Variants in ZNF625 observed in about 807,000 individuals in gnomAD.
The protein encoded by ZNF625 is zinc finger protein 625.
In ZNF625, 8 loss-of-function variants were observed where a neutral mutation model predicts 11.1. That is an observed-to-expected ratio of 0.72 (90% CI 0.42 to 1.30). ZNF625 has a LOEUF of 1.30. Among genes scored for constraint, ZNF625 ranks in the 50% most tolerant of loss-of-function variants. The pLI is 0.01. For missense variants in ZNF625, 349 were observed against 447.6 expected (o/e 0.78, Z 1.99); for synonymous variants, 145 against 153.4 (o/e 0.95, Z 0.41).
Position 12,145,848 on chromosome 19 carries a change from G to A in ZNF625, c.568C>T (p.Pro190Ser). ...TTCCCACAAAAGTTACATTTGTAGG[G>A]TCCATCTCCACTGTGCATTATCCTG... ...RHRIMHSGDGPYKCNFCGKAL... is the reference protein window; with the variant it reads ...RHRIMHSGDGSYKCNFCGKAL... The change falls in exon 4 of 4, where the codon CCC becomes TCC. Residue 190 changes from proline to serine, a missense_variant. Coordinates refer to ENST00000439556, the MANE Select transcript of ZNF625 (RefSeq NM_145233.4). 1.2e-6 allele frequency: 2 copies of A among 1,614,204 alleles called. No homozygotes were observed. The highest frequency in any genetic ancestry group is 2.2e-5 in the South Asian group (2 of 91,088).
intron 1 of ZNF625, among the ~76,000 whole-genome samples, chr19:12,148,846 A>G (rs1014832773): frequency 1.3e-5 from 2 of 149,968 alleles, no homozygotes; most frequent in Non-Finnish European, 3.0e-5. Flanking sequence ...CTGGTTTTGA[A>G]CTCCTGACCT....
rs373898997 is a variant in ZNF625 at position 12,145,974 on chromosome 19, G to A, written c.442C>T (p.Pro148Ser). ...TYCKKAFSDL[P>S]YFRTHEWAHT... ...GCCCATTCATGTGTTCGAAAGTAGGGGAGATCACTGAAGGCTTTCTTACAG... is the reference window on the plus strand; with the variant it reads ...GCCCATTCATGTGTTCGAAAGTAGGAGAGATCACTGAAGGCTTTCTTACAG... The change falls in exon 4 of 4, where the codon CCC (proline) becomes TCC (serine). Residue 148 changes from proline (P) to serine (S), a missense_variant. Physicochemically the swap from Pro to Ser is moderately conservative, Grantham distance 74 (BLOSUM62 -1). Coordinates refer to ENST00000439556, the MANE Select transcript of ZNF625 (RefSeq NM_145233.4). The A allele has an allele frequency of 2.5e-6, 4 of 1,614,048 alleles. No individual in the cohort carries two copies. The highest frequency in any genetic ancestry group is 3.3e-5 in the Admixed American group (2 of 59,998).
At chr19:12,156,264 T>C (rs1250058757) in intron 1 of ZNF625, among the ~76,000 whole-genome samples, 1 of 152,074 alleles carries the variant, frequency 6.6e-6, no homozygotes, top group African/African-American at 2.4e-5. Context: ...CTCCGCACAA[T>C]CTGGGGAGAC....
intron 1 of ZNF625, among the ~76,000 whole-genome samples, chr19:12,153,349 CAA>C (rs1260818004): frequency 5.2e-4 from 32 of 61,434 alleles, no homozygotes; most frequent in Admixed American, 9.9e-4. Context: ...GACTCCATCT[CAA>C]AAAAAAAAAA....
In ZNF625 at chr19:12,146,011, A is replaced by C; in HGVS notation, c.405T>G (p.Tyr135Ter). 6.2e-7 allele frequency: 1 copy of C among 1,614,198 alleles called. No individual in the cohort carries two copies. The highest frequency in any genetic ancestry group is 8.5e-7 in the Non-Finnish European group (1 of 1,180,038). ...AGGCTTTCTTACAGTATGTACATTTATATGGCTTCTGTCCATATTCCTGAT... is the reference window on the plus strand; with the variant it reads ...AGGCTTTCTTACAGTATGTACATTTCTATGGCTTCTGTCCATATTCCTGAT... The part of the protein sequence containing the change: ...YEYQEYGQKP[Y>*]KCTYCKKAFS... The change falls in exon 4 of 4, where the codon TAT (tyrosine) becomes TAG (stop). Residue 135 changes from tyrosine (Y) to a stop codon, truncating the protein, a stop_gained. Coordinates refer to ENST00000439556, the MANE Select transcript of ZNF625 (RefSeq NM_145233.4). LOFTEE classifies it low-confidence loss of function (END_TRUNC).
Position 12,145,181 on chromosome 19 carries a change from G to T in ZNF625, c.*116C>A. The T allele has an allele frequency of 7.8e-7, 1 of 1,286,492 alleles. No homozygotes were observed. Among genetic ancestry groups the T allele is most frequent in the Non-Finnish European group, 1.1e-6 (1 of 935,506 alleles). 79.7% of individuals were successfully genotyped at this position (1,286,492 alleles called of 1,614,324 possible). ...CTACTGGCATTTATTTCTGAATGCT[G>T]TCAAATGACAGTGACTGCAGAAGCT... On this transcript the variant is annotated 3_prime_UTR_variant, in exon 4 of 4. Coordinates refer to ENST00000439556, the MANE Select transcript of ZNF625 (RefSeq NM_145233.4).
chr19:12,150,283 TG>T (rs1290143056), intron 1 of ZNF625, among the ~76,000 whole-genome samples: 1 of 152,138 alleles, frequency 6.6e-6, no homozygotes, highest in Non-Finnish European at 1.5e-5. Context: ...TGTAAGGATT[TG>T]TTGTTGTCCC....
rs1395493166 is a variant in ZNF625 at position 12,147,437 on chromosome 19, T to C, written c.149A>G (p.Gln50Arg). The C allele has an allele frequency of 6.5e-7, 1 of 1,532,844 alleles. No individual in the cohort carries two copies. Among genetic ancestry groups the C allele is most frequent in the Non-Finnish European group, 8.7e-7 (1 of 1,144,820 alleles). The allele number at this position is 1,532,844 out of a possible 1,614,324, so 95.0% of individuals were successfully genotyped here. Residue 50 changes from glutamine (Q) to arginine (R), a missense_variant, in exon 3 of 4, where the codon CAG becomes CGG. Coordinates refer to ENST00000439556, the MANE Select transcript of ZNF625 (RefSeq NM_145233.4). ...LASVGKKWKD[Q>R]KIEDEYKNPR... ...ATTTTTGTACTCATCTTCAATTTTC[T>C]GATCTTTCCATTTTTTTCCTAAAAT...
chr19:12,155,177 G>T (rs1034564652), intron 1 of ZNF625, among the ~76,000 whole-genome samples: 1 of 148,224 alleles, frequency 6.7e-6, no homozygotes, highest in African/African-American at 2.5e-5. Context: ...CGTAAGCCGA[G>T]ATTGCGCCAC....
At chr19:12,153,472 G>C in intron 1 of ZNF625, among the ~76,000 whole-genome samples, 1 of 151,970 alleles carries the variant, frequency 6.6e-6, no homozygotes. Flanking sequence ...ATCACCTGAG[G>C]TCAGGAGTTC....
chr19:12,154,750 A>C (rs1301457675), intron 1 of ZNF625, among the ~76,000 whole-genome samples: 2 of 152,178 alleles, frequency 1.3e-5, no homozygotes, highest in Non-Finnish European at 2.9e-5. Context: ...ATAAAAACCT[A>C]AGCTCCCCAT....
At chr19:12,154,736 A>G (rs56101707) in intron 1 of ZNF625, among the ~76,000 whole-genome samples, 7,488 of 152,262 alleles carry the variant, frequency 0.049, 217 homozygotes, top group Middle Eastern at 0.066. Context: ...CCTGTAAACT[A>G]AAAATAAAAA....
chr19:12,155,985 G>T (rs546710668), intron 1 of ZNF625, among the ~76,000 whole-genome samples: 84 of 152,008 alleles, frequency 5.5e-4, no homozygotes, highest in African/African-American at 2.0e-3. Flanking sequence ...CAGTAGCTGG[G>T]ATTACAGGTG....
Position 12,145,440 on chromosome 19 carries a change from T to A in ZNF625, c.976A>T (p.Thr326Ser). The change falls in exon 4 of 4, where the codon ACT (threonine) becomes TCT (serine). Residue 326 changes from threonine to serine, a missense_variant. By Grantham distance (58) the Thr-to-Ser change is moderately conservative. Coordinates refer to ENST00000439556, the MANE Select transcript of ZNF625 (RefSeq NM_145233.4). ...SHLRTHGRTHTGEKPYECKQC... is the reference protein window; with the variant it reads ...SHLRTHGRTHSGEKPYECKQC... ...TTACATTCATAGGGTTTCTCTCCAGTGTGAGTCCTTCCATGTGTTCGAAGG... is the reference window on the plus strand; with the variant it reads ...TTACATTCATAGGGTTTCTCTCCAGAGTGAGTCCTTCCATGTGTTCGAAGG... The A allele has an allele frequency of 6.2e-7, 1 of 1,614,202 alleles. No individual in the cohort carries two copies. Among genetic ancestry groups the A allele is most frequent in the Non-Finnish European group, 8.5e-7 (1 of 1,180,030 alleles).
intron 1 of ZNF625, 122 bp from the exon 2 acceptor site, chr19:12,147,924 C>A: frequency 1.6e-6 from 2 of 1,243,792 alleles, no homozygotes; most frequent in South Asian, 3.5e-5. Context: ...ATGATCTGGT[C>A]ATCAGACTTT....
Position 12,145,500 on chromosome 19 carries a change from T to G in ZNF625, c.916A>C (p.Lys306Gln). 4 of 1,614,162 alleles carry G rather than the reference T, an allele frequency of 2.5e-6. No individual in the cohort carries two copies. Among genetic ancestry groups the G allele is most frequent in the Non-Finnish European group, 2.5e-6 (3 of 1,180,004 alleles). Reference sequence around the variant, plus strand: ...GATCTGAAGGCTTTCCCACATTGCTTACATTCATAGGGCTTCTCTCCAGTG... The same window carrying G: ...GATCTGAAGGCTTTCCCACATTGCTGACATTCATAGGGCTTCTCTCCAGTG... ...THTGEKPYECKQCGKAFRSAS... is the reference protein window; with the variant it reads ...THTGEKPYECQQCGKAFRSAS... Residue 306 changes from lysine to glutamine, a missense_variant, in exon 4 of 4, where the codon AAG becomes CAG. Lys to Gln is a moderately conservative substitution (Grantham distance 53). Transcript: ENST00000439556.
chr19:12,155,089 G>A (rs1163797519), intron 1 of ZNF625, among the ~76,000 whole-genome samples: 11 of 152,024 alleles, frequency 7.2e-5, no homozygotes, highest in Admixed American at 7.2e-4. Flanking sequence ...AGCCGGGTAT[G>A]GTGGCGTGCA....
chr19:12,145,689 C>A lies in ZNF625; in HGVS notation c.727G>T (p.Gly243Ter). The change falls in exon 4 of 4, where the codon GGA becomes TGA. Residue 243 changes from glycine (G) to a stop codon, truncating the protein, a stop_gained. Coordinates refer to ENST00000439556, the MANE Select transcript of ZNF625 (RefSeq NM_145233.4). LOFTEE classifies it low-confidence loss of function (END_TRUNC). The stretch of plus-strand genomic sequence containing the variant: ...TCACTGCATTCATAAGGCTTCTCTC[C>A]AGTGTGAGTTCTTTCATGTATTCGA... ...SLRIHERTHT[G>*]EKPYECSECG... The A allele has an allele frequency of 6.2e-7, 1 of 1,614,140 alleles. No homozygotes were observed. Among genetic ancestry groups the A allele is most frequent in the Non-Finnish European group, 8.5e-7 (1 of 1,180,036 alleles).
In ZNF625 at chr19:12,145,696, A is replaced by G. The variant is rs764614040; in HGVS notation, c.720T>C (p.Thr240=). ...HSGSLRIHER[T]HTGEKPYECS... Reference sequence around the variant, plus strand: ...ATTCATAAGGCTTCTCTCCAGTGTGAGTTCTTTCATGTATTCGAAGGCTAC... The same window carrying G: ...ATTCATAAGGCTTCTCTCCAGTGTGGGTTCTTTCATGTATTCGAAGGCTAC... The change falls in exon 4 of 4, where the codon ACT becomes ACC. Residue 240 remains threonine (T), a synonymous_variant. Coordinates refer to ENST00000439556, the MANE Select transcript of ZNF625 (RefSeq NM_145233.4). 1.2e-6 allele frequency: 2 copies of G among 1,613,974 alleles called. No individual in the cohort carries two copies. The highest frequency in any genetic ancestry group is 2.7e-5 in the African/African-American group (2 of 74,908).
Sources: allele counts gnomAD v4.1 joint callset (sites outside exome capture counted in the v4.1 genomes callset), GRCh38; gene constraint gnomAD v4.1.1; transcripts MANE v1.5; gene names NCBI Gene and HGNC (gene_info 2026-07-23, HGNC 2026-07-21).